HMGN3: variants seen among roughly 807,000 people sequenced by gnomAD.
The protein encoded by HMGN3 is high mobility group nucleosomal binding domain 3.
In HMGN3, 6 loss-of-function variants were observed where a neutral mutation model predicts 18.8. That is an observed-to-expected ratio of 0.32 (90% confidence interval 0.18 to 0.63). HMGN3 has a LOEUF of 0.63. HMGN3 is among the 30% of genes least tolerant of loss of function. The pLI is 0.79. For missense variants in HMGN3, 107 were observed against 114.2 expected (o/e 0.94, Z 0.29); for synonymous variants, 40 against 36.5 (o/e 1.10, Z -0.35).
chr6:79,232,088 G>A (rs1777867256), intron 1 of HMGN3, among the ~76,000 whole-genome samples: 1 of 152,234 alleles, frequency 6.6e-6, no homozygotes, highest in East Asian at 1.9e-4. Context: ...AAAGTACTAG[G>A]GGGACATTTT....
intron 1 of HMGN3, among the ~76,000 whole-genome samples, chr6:79,216,448 A>G (rs1236290040): frequency 6.6e-6 from 1 of 152,220 alleles, no homozygotes; most frequent in African/African-American, 2.4e-5. Context: ...AAGTATATAT[A>G]AAAGTCTTTA....
intron 2 of HMGN3, among the ~76,000 whole-genome samples, chr6:79,213,289 G>A (rs1776791337): frequency 6.6e-6 from 1 of 151,938 alleles, no homozygotes; most frequent in South Asian, 2.1e-4. Context: ...TAAGACAGCT[G>A]TACAAGCAAA....
chr6:79,228,910 A>T (rs1777696293), intron 1 of HMGN3, among the ~76,000 whole-genome samples: 1 of 152,214 alleles, frequency 6.6e-6, no homozygotes, highest in Non-Finnish European at 1.5e-5. Flanking sequence ...TACAGACCAT[A>T]AAACATAATT....
intron 1 of HMGN3, among the ~76,000 whole-genome samples, chr6:79,215,274 A>G (rs17786528): frequency 0.023 from 3,507 of 152,352 alleles, 63 homozygotes; most frequent in South Asian, 0.036. Flanking sequence ...CCTGTTCTCA[A>G]TGTGCATTCA....
At chr6:79,217,327 C>T (rs1020166700) in intron 1 of HMGN3, among the ~76,000 whole-genome samples, 1 of 152,168 alleles carries the variant, frequency 6.6e-6, no homozygotes, top group Non-Finnish European at 1.5e-5. Context: ...GCTCAAGACA[C>T]CTGGTTTGAA....
intron 1 of HMGN3, among the ~76,000 whole-genome samples, chr6:79,215,815 T>C (rs1776953972): frequency 6.6e-6 from 1 of 152,220 alleles, no homozygotes; most frequent in South Asian, 2.1e-4. Context: ...TAAGAGTTAT[T>C]AAATAATATT....
chr6:79,219,733 C>A (rs1777173404), intron 1 of HMGN3, among the ~76,000 whole-genome samples: 1 of 151,970 alleles, frequency 6.6e-6, no homozygotes, highest in Admixed American at 6.6e-5. Flanking sequence ...TATTATTTCA[C>A]CCTGTAATTA....
intron 2 of HMGN3, 45 bp downstream of exon 2, chr6:79,214,927 T>C (rs761634552): frequency 2.9e-6 from 3 of 1,025,588 alleles, no homozygotes; most frequent in East Asian, 2.4e-5. Flanking sequence ...ATATTAAACA[T>C]TTCAATGTAA....
intron 3 of HMGN3, 74 bp from the exon 4 acceptor site, chr6:79,203,704 G>C: frequency 8.9e-7 from 1 of 1,117,956 alleles, no homozygotes; most frequent in Non-Finnish European, 1.3e-6. Flanking sequence ...AACACAAAAG[G>C]ACTAACAAAG....
intron 1 of HMGN3, among the ~76,000 whole-genome samples, chr6:79,226,640 A>G (rs1777580634): frequency 6.6e-6 from 1 of 152,222 alleles, no homozygotes; most frequent in Non-Finnish European, 1.5e-5. Context: ...CATTCAGGAA[A>G]TAGCTCGATT....
intron 1 of HMGN3, among the ~76,000 whole-genome samples, chr6:79,226,062 A>G (rs927333007): frequency 1.3e-5 from 2 of 152,244 alleles, no homozygotes; most frequent in Non-Finnish European, 2.9e-5. Flanking sequence ...TTAGAAATAA[A>G]CATATACAGA....
chr6:79,203,365 A>G (rs541938736), intron 4 of HMGN3, among the ~76,000 whole-genome samples: 6 of 152,330 alleles, frequency 3.9e-5, no homozygotes, highest in African/African-American at 1.2e-4. Flanking sequence ...TTCTCAGAGC[A>G]ACATCTCTGA....
At chr6:79,208,907 C>G (rs1205514066) in intron 2 of HMGN3, among the ~76,000 whole-genome samples, 1 of 152,176 alleles carries the variant, frequency 6.6e-6, no homozygotes, top group East Asian at 1.9e-4. Context: ...AAATCAACAG[C>G]AAGAACATTG....
At chr6:79,206,009 G>C (rs1776405497) in intron 3 of HMGN3, among the ~76,000 whole-genome samples, 1 of 152,188 alleles carries the variant, frequency 6.6e-6, no homozygotes, top group Admixed American at 6.5e-5. Flanking sequence ...TTGAATTTGA[G>C]AGAGATGATT....
At chr6:79,223,739 C>CTTTTTTTTTTTT (rs11461795) in intron 1 of HMGN3, among the ~76,000 whole-genome samples, 1 of 147,482 alleles carries the variant, frequency 6.8e-6, no homozygotes, top group Non-Finnish European at 1.5e-5. Flanking sequence ...CTAGAGTTAC[C>CTTTTTTTTTTTT]TTTTTTTTTT....
At chr6:79,230,043 T>G (rs1777765235) in intron 1 of HMGN3, among the ~76,000 whole-genome samples, 1 of 152,122 alleles carries the variant, frequency 6.6e-6, no homozygotes, top group African/African-American at 2.4e-5. Flanking sequence ...CAAATGTCCA[T>G]CACCTTGTGA....
At chr6:79,231,124 C>T (rs1003197887) in intron 1 of HMGN3, among the ~76,000 whole-genome samples, 5 of 152,182 alleles carry the variant, frequency 3.3e-5, no homozygotes, top group Admixed American at 2.6e-4. Context: ...ATGTGATACA[C>T]TAGACATTTA....
At chr6:79,217,733 G>A (rs1582424809) in intron 1 of HMGN3, among the ~76,000 whole-genome samples, 1 of 152,182 alleles carries the variant, frequency 6.6e-6, no homozygotes, top group East Asian at 1.9e-4. Flanking sequence ...TAAGCCACAG[G>A]CCGGAGACAG....
At chr6:79,202,468 A>G (rs1776193034) in intron 4 of HMGN3, 79 bp from the exon 5 acceptor site, 1 of 1,167,142 alleles carries the variant, frequency 8.6e-7, no homozygotes, top group East Asian at 2.3e-5. Context: ...GCCTCTGTCC[A>G]AACACAAGGT....
Sources: gnomAD v4.1 joint callset for allele counts (sites outside exome capture counted in the v4.1 genomes callset) on GRCh38, gnomAD v4.1.1 for gene constraint, MANE v1.5 for transcripts, NCBI Gene and HGNC (gene_info 2026-07-23, HGNC 2026-07-21) for gene names.